DAPP1: variants seen among roughly 807,000 people sequenced by gnomAD.
The protein encoded by DAPP1 is dual adaptor of phosphotyrosine and 3-phosphoinositides 1.
Under a neutral mutation model 41.5 loss-of-function variants are expected in DAPP1, and 20 were observed. The observed-to-expected ratio is 0.48, with a 90% CI of 0.34 to 0.70. The LOEUF is 0.70. Among genes scored for constraint, DAPP1 ranks in the 30% least tolerant of loss-of-function variants. The pLI, the probability that DAPP1 is intolerant of heterozygous loss-of-function variation, is 0.01. For synonymous variants in DAPP1, 113 were observed against 116.2 expected (o/e 0.97, Z 0.18); for missense variants, 233 against 333.4 (o/e 0.70, Z 2.35).
chr4:99,832,928 C>T (rs918458679), intron 1 of DAPP1, among the ~76,000 whole-genome samples: 6 of 151,686 alleles, frequency 4.0e-5, no homozygotes, highest in African/African-American at 1.5e-4. Context: ...TCTATAAATG[C>T]TTTAAACACA....
chr4:99,827,468 G>A (rs951052851), intron 1 of DAPP1, among the ~76,000 whole-genome samples: 1 of 151,548 alleles, frequency 6.6e-6, no homozygotes, highest in African/African-American at 2.4e-5. Context: ...GGGAGGCAGA[G>A]CTTGCAGTGA....
At position 99,821,200 on chromosome 4, in the gene DAPP1, C is replaced by A. The variant is rs549481913; in HGVS notation, c.101+4186C>A. The stretch of plus-strand genomic sequence containing the variant: ...GCTGTGATAGTCCTAATTTACTGAC[C>A]ACCTACTATGCATCAGCACCATACC... On this transcript the variant is annotated intron_variant, in intron 1 of 8. Transcript: ENST00000512369. Among the ~76,000 whole-genome samples the A allele has an allele frequency of 2.0e-5, 3 of 152,292 alleles. No individual in the cohort carries two copies. In the East Asian group the frequency reaches 5.8e-4, roughly 29 times the overall value.
At chr4:99,866,156 G>T in intron 8 of DAPP1, 35 bp downstream of exon 8, 1 of 1,117,712 alleles carries the variant, frequency 8.9e-7, no homozygotes, top group South Asian at 1.3e-5. Flanking sequence ...GTCAAGTCTT[G>T]AGAAATAACA....
At chr4:99,819,567 A>G (rs972492624) in intron 1 of DAPP1, among the ~76,000 whole-genome samples, 3 of 152,142 alleles carry the variant, frequency 2.0e-5, no homozygotes, top group African/African-American at 7.2e-5. Flanking sequence ...TTTTTCTTTG[A>G]ACCTTTAACC....
At chr4:99,838,680 T>C (rs1723384874) in intron 2 of DAPP1, among the ~76,000 whole-genome samples, 1 of 152,204 alleles carries the variant, frequency 6.6e-6, no homozygotes, top group Admixed American at 6.5e-5. Flanking sequence ...CACCCACTGC[T>C]CACCTCCTGC....
chr4:99,860,655 A>G (rs939860352), intron 4 of DAPP1, among the ~76,000 whole-genome samples: 2 of 152,164 alleles, frequency 1.3e-5, no homozygotes, highest in Non-Finnish European at 2.9e-5. Context: ...TGGTTGGGAA[A>G]ATTCACCTTG....
chr4:99,851,864 G>C (rs1723875234), intron 3 of DAPP1, among the ~76,000 whole-genome samples: 1 of 151,836 alleles, frequency 6.6e-6, no homozygotes, highest in South Asian at 2.1e-4. Flanking sequence ...GTTTTGTGTA[G>C]ATTTATCATT....
At chr4:99,843,753 A>G (rs561785070) in intron 3 of DAPP1, among the ~76,000 whole-genome samples, 1 of 152,338 alleles carries the variant, frequency 6.6e-6, no homozygotes, top group South Asian at 2.1e-4. Context: ...TTAAAAAAAT[A>G]CCTTTTTTTC....
At chr4:99,840,455 T>C (rs1217186306) in intron 3 of DAPP1, 33 bp downstream of exon 3, 2 of 1,597,550 alleles carry the variant, frequency 1.3e-6, no homozygotes, top group East Asian at 2.3e-5. Context: ...ACTTATGAAA[T>C]AATGTTTCGG....
At chr4:99,830,077 T>A (rs1324117483) in intron 1 of DAPP1, among the ~76,000 whole-genome samples, 2 of 152,228 alleles carry the variant, frequency 1.3e-5, no homozygotes, top group African/African-American at 4.8e-5. Context: ...AATATTCAAA[T>A]TTTTAAAAAT....
intron 3 of DAPP1, among the ~76,000 whole-genome samples, chr4:99,848,384 C>G (rs1057183234): frequency 1.3e-5 from 2 of 151,672 alleles, no homozygotes; most frequent in Non-Finnish European, 1.5e-5. Flanking sequence ...CATGCCACCA[C>G]GCCTGGCTAA....
At chr4:99,834,433 A>G (rs923439931) in intron 1 of DAPP1, among the ~76,000 whole-genome samples, 24 of 152,150 alleles carry the variant, frequency 1.6e-4, no homozygotes, top group African/African-American at 5.6e-4. Flanking sequence ...CTTTTCTAAA[A>G]CACAAATATC....
chr4:99,839,974 A>G (rs1483774164), intron 2 of DAPP1, among the ~76,000 whole-genome samples: 2 of 152,220 alleles, frequency 1.3e-5, no homozygotes, highest in Non-Finnish European at 2.9e-5. Flanking sequence ...AGGCCAGAGA[A>G]TCACTTGAAT....
At chr4:99,863,197 T>A (rs972191578) in intron 6 of DAPP1, 125 bp downstream of exon 6, 1 of 615,330 alleles carries the variant, frequency 1.6e-6, no homozygotes, top group Non-Finnish European at 2.8e-6. Flanking sequence ...TGATTGGAGA[T>A]ATGAATTCTT....
intron 4 of DAPP1, among the ~76,000 whole-genome samples, chr4:99,861,191 T>C (rs1402450229): frequency 6.6e-6 from 1 of 152,170 alleles, no homozygotes; most frequent in Non-Finnish European, 1.5e-5. Flanking sequence ...AGTAAAAACA[T>C]CCTTTTAGTT....
chr4:99,859,774 G>T (rs1229804517), intron 4 of DAPP1, among the ~76,000 whole-genome samples: 1 of 152,148 alleles, frequency 6.6e-6, no homozygotes, highest in Non-Finnish European at 1.5e-5. Flanking sequence ...ACTTGGCTCT[G>T]AAACTGTGCA....
At chr4:99,839,377 C>A (rs11934772) in intron 2 of DAPP1, among the ~76,000 whole-genome samples, 50,037 of 121,904 alleles carry the variant, frequency 0.41, 8,700 homozygotes, top group African/African-American at 0.51. Flanking sequence ...ATATAGATAT[C>A]TATAGATATA....
At position 99,853,219 on chromosome 4, in the gene DAPP1, C is replaced by T. The variant is rs933920555; in HGVS notation, c.360C>T (p.Gly120=). 1 of 1,613,734 alleles carries T rather than the reference C, an allele frequency of 6.2e-7. No individual in the cohort carries two copies. Among genetic ancestry groups the T allele is most frequent in the African/African-American group, 1.3e-5 (1 of 74,930 alleles). Residue 120 remains glycine, a splice_region_variant and synonymous_variant, in exon 4 of 9, where the codon GGC becomes GGT. Coordinates refer to ENST00000512369, the MANE Select transcript of DAPP1 (RefSeq NM_014395.3). ...ANQPLIGSET[G]TLMVLKHPYP... The stretch of plus-strand genomic sequence containing the variant: ...TATATATTTTTCATCTTCATTCAGG[C>T]ACTCTGATGGTTCTAAAACATCCCT...
intron 1 of DAPP1, among the ~76,000 whole-genome samples, chr4:99,833,269 G>C (rs1247182104): frequency 6.6e-6 from 1 of 152,180 alleles, no homozygotes; most frequent in Non-Finnish European, 1.5e-5. Context: ...TTCAATGAAT[G>C]GAGCTGCTTT....
Sources: gnomAD v4.1 joint callset for allele counts (sites outside exome capture counted in the v4.1 genomes callset) on GRCh38, gnomAD v4.1.1 for gene constraint, MANE v1.5 for transcripts, NCBI Gene and HGNC (gene_info 2026-07-23, HGNC 2026-07-21) for gene names.